Variants in WSCD2 observed in about 807,000 individuals in gnomAD.
WSCD2 encodes sialate:O-sulfotransferase 2.
In WSCD2, 28 loss-of-function variants were observed where a neutral mutation model predicts 55.7. That is an observed-to-expected ratio of 0.50 (90% CI 0.37 to 0.69). The LOEUF is 0.69. Among genes scored for constraint, WSCD2 ranks in the 30% least tolerant of loss-of-function variants. WSCD2 has a pLI of 0.00. For synonymous variants in WSCD2, 301 were observed against 301.9 expected (o/e 1.00, Z 0.03); for missense variants, 616 against 762.1 (o/e 0.81, Z 2.26).
intron 1 of WSCD2, among the ~76,000 whole-genome samples, chr12:108,166,622 G>A (rs1037699579): frequency 2.6e-5 from 4 of 152,106 alleles, no homozygotes; most frequent in African/African-American, 9.7e-5. Flanking sequence ...TCTTACGGAG[G>A]TGATGATGTG....
chr12:108,198,125 C>G (rs1884176236), intron 2 of WSCD2, among the ~76,000 whole-genome samples: 1 of 151,892 alleles, frequency 6.6e-6, no homozygotes. Flanking sequence ...GAAAGCATCT[C>G]ATTTATGTGT....
intron 1 of WSCD2, among the ~76,000 whole-genome samples, chr12:108,137,824 G>T (rs11113761): frequency 0.23 from 34,681 of 152,168 alleles, 4,178 homozygotes; most frequent in African/African-American, 0.28. Context: ...AAAAATTCAC[G>T]TACGTGGAAC....
intron 5 of WSCD2, among the ~76,000 whole-genome samples, chr12:108,225,868 C>T (rs1475873064): frequency 1.3e-5 from 2 of 152,156 alleles, no homozygotes; most frequent in Middle Eastern, 3.2e-3. Context: ...GGAGAACCAT[C>T]CCTCCTCCAC....
At position 108,236,051 on chromosome 12, in the gene WSCD2, G is replaced by A. The variant is rs140591732; in HGVS notation, c.1144+3156G>A. Among the ~76,000 whole-genome samples, 394 of 152,330 alleles carry A rather than the reference G, an allele frequency of 2.6e-3. 1 individual carries two copies. Among genetic ancestry groups the A allele is most frequent in the African/African-American group, 9.0e-3 (373 of 41,568 alleles). On this transcript the variant is annotated intron_variant, in intron 7 of 8. Transcript: ENST00000547525. ...TTCTGCAGCCCCTTTCAGACTCCAG[G>A]TATAATGAGCTCTTTGTAGTTCAAG...
At chr12:108,202,838 A>G (rs868155435) in intron 2 of WSCD2, among the ~76,000 whole-genome samples, 5 of 152,188 alleles carry the variant, frequency 3.3e-5, no homozygotes, top group South Asian at 2.1e-4. Flanking sequence ...CTGCACATGT[A>G]CCCTGCACTT....
chr12:108,150,024 A>G (rs1174243222), intron 1 of WSCD2: 1 of 152,144 alleles, frequency 6.6e-6, no homozygotes. Flanking sequence ...CATGCTAGTG[A>G]TGGTAATAAT....
At chr12:108,241,081 A>G (rs10778618) in intron 8 of WSCD2, among the ~76,000 whole-genome samples, 108,519 of 151,974 alleles carry the variant, frequency 0.71, 39,736 homozygotes, top group Middle Eastern at 0.8. Context: ...GTGTTGCCAC[A>G]AGGTCCTGAG....
At chr12:108,181,718 A>C (rs530913568) in intron 1 of WSCD2, among the ~76,000 whole-genome samples, 30 of 152,206 alleles carry the variant, frequency 2.0e-4, no homozygotes, top group Non-Finnish European at 3.8e-4. Flanking sequence ...AAGCCTTGCC[A>C]AGGTCTTGAG....
chr12:108,230,029 T>G (rs1888576224), intron 6 of WSCD2, among the ~76,000 whole-genome samples: 1 of 152,244 alleles, frequency 6.6e-6, no homozygotes, highest in Non-Finnish European at 1.5e-5. Context: ...TCCTAATTTT[T>G]GGTGCATTTC....
At chr12:108,208,232 T>C (rs1321185951) in intron 3 of WSCD2, among the ~76,000 whole-genome samples, 5 of 152,074 alleles carry the variant, frequency 3.3e-5, no homozygotes, top group African/African-American at 1.2e-4. Flanking sequence ...GCTTGGGCAA[T>C]AGAATAACAA....
intron 1 of WSCD2, among the ~76,000 whole-genome samples, chr12:108,132,253 A>G (rs1455907194): frequency 6.6e-6 from 1 of 152,148 alleles, no homozygotes; most frequent in Non-Finnish European, 1.5e-5. Context: ...AACAGGAGCA[A>G]TTCCACTGTG....
chr12:108,183,397 G>C (rs1882055932), intron 1 of WSCD2, among the ~76,000 whole-genome samples: 1 of 152,166 alleles, frequency 6.6e-6, no homozygotes, highest in Non-Finnish European at 1.5e-5. Flanking sequence ...GTATGTGCTG[G>C]GGGTGAGGGG....
intron 1 of WSCD2, among the ~76,000 whole-genome samples, chr12:108,166,245 T>C (rs1037722731): frequency 1.3e-5 from 2 of 152,214 alleles, no homozygotes; most frequent in African/African-American, 4.8e-5. Context: ...GGGATGATCA[T>C]AGCACCTGCC....
At chr12:108,148,107 G>A (rs918754960) in intron 1 of WSCD2, among the ~76,000 whole-genome samples, 16 of 152,146 alleles carry the variant, frequency 1.1e-4, no homozygotes, top group Admixed American at 1.0e-3. Flanking sequence ...TGGCTTTATT[G>A]ACATTTTGAG....
chr12:108,245,725 T>C (rs1890039106), intron 8 of WSCD2, among the ~76,000 whole-genome samples: 2 of 152,188 alleles, frequency 1.3e-5, no homozygotes, highest in African/African-American at 2.4e-5. Flanking sequence ...GTGGGGAAAT[T>C]CTGAAAAAGG....
intron 1 of WSCD2, among the ~76,000 whole-genome samples, chr12:108,135,841 C>T (rs1357394511): frequency 1.6e-5 from 2 of 126,286 alleles, no homozygotes; most frequent in South Asian, 3.0e-4. Context: ...AGTTTTATTG[C>T]AACTCAGCTA....
intron 7 of WSCD2, among the ~76,000 whole-genome samples, chr12:108,236,581 A>T (rs1889284037): frequency 7.6e-6 from 1 of 132,016 alleles, no homozygotes; most frequent in African/African-American, 2.9e-5. Flanking sequence ...TCTCTCTCTC[A>T]TTCTCTCTCT....
intron 1 of WSCD2, among the ~76,000 whole-genome samples, chr12:108,138,873 G>T (rs1383481134): frequency 6.6e-6 from 1 of 152,184 alleles, no homozygotes; most frequent in Non-Finnish European, 1.5e-5. Context: ...GTCCTGTGCT[G>T]GGCCCTGGGA....
chr12:108,167,078 C>T (rs1565929231), intron 1 of WSCD2, among the ~76,000 whole-genome samples: 2 of 152,126 alleles, frequency 1.3e-5, no homozygotes, highest in Middle Eastern at 3.4e-3. Context: ...TCCCAAAGTG[C>T]TGGGATTATA....
Sources: gnomAD v4.1 joint callset for allele counts (sites outside exome capture counted in the v4.1 genomes callset) on GRCh38, gnomAD v4.1.1 for gene constraint, MANE v1.5 for transcripts, NCBI Gene and HGNC (gene_info 2026-07-23, HGNC 2026-07-21) for gene names.